IFT140: variants seen among roughly 807,000 people sequenced by gnomAD.
IFT140 encodes intraflagellar transport 140, also known as intraflagellar transport protein 140 homolog.
A neutral mutation model predicts 164.6 loss-of-function variants in IFT140; 133 were observed. The ratio of observed to expected loss-of-function variants is 0.81; its 90% confidence interval spans 0.70 to 0.93. The LOEUF (loss-of-function observed/expected upper bound fraction) is 0.93, where lower values mean the gene tolerates loss of function less well. IFT140 is among the 40% of genes least tolerant of loss of function. The pLI, the probability that IFT140 is intolerant of heterozygous loss-of-function variation, is 0.00. For synonymous variants in IFT140, 860 were observed against 817.3 expected (o/e 1.05, Z -0.89); for missense variants, 2,045 against 1,972.3 (o/e 1.04, Z -0.70).
At chr16:1,544,971 A>C (rs1431049451) in intron 19 of IFT140, among the ~76,000 whole-genome samples, 7 of 152,188 alleles carry the variant, frequency 4.6e-5, no homozygotes, top group African/African-American at 2.4e-5. Context: ...TTCTTAATAA[A>C]TCTCCTTGAA....
intron 19 of IFT140, chr16:1,534,573 C>G (rs765738977): frequency 1.9e-6 from 3 of 1,599,386 alleles, no homozygotes; most frequent in East Asian, 4.5e-5. Flanking sequence ...CAATTGTTTT[C>G]CTGATGCCTT....
At position 1,607,504 on chromosome 16, in the gene IFT140, G is replaced by A. The variant is rs551601757; in HGVS notation, c.-31-207C>T. ...TGCAGAAGAGAAGCAGTTAGACCCGGAATCACCCAGGCTGTGACAGAAACG... is the reference window on the plus strand; with the variant it reads ...TGCAGAAGAGAAGCAGTTAGACCCGAAATCACCCAGGCTGTGACAGAAACG... On this transcript the variant is annotated intron_variant, in intron 2 of 30. Coordinates refer to ENST00000426508, the MANE Select transcript of IFT140 (RefSeq NM_014714.4). Among the ~76,000 whole-genome samples the A allele has an allele frequency of 5.3e-5, 8 of 152,142 alleles. No individual in the cohort carries two copies. In the South Asian group the frequency reaches 1.4e-3, roughly 28 times the overall value.
chr16:1,525,013 C>T lies in IFT140; in HGVS notation c.2865-97G>A, dbSNP rs2040642153. ...CCTGTGCCACCCTTAGAGTGCATGT[C>T]ACCTGACCTGCAAACAGGCTGGGCC... On this transcript the variant is annotated intron_variant, in intron 22 of 30. Coordinates refer to ENST00000426508, the MANE Select transcript of IFT140 (RefSeq NM_014714.4). 16 of 1,479,708 alleles carry T rather than the reference C, an allele frequency of 1.1e-5. No individual in the cohort carries two copies. In the South Asian group the frequency reaches 2.0e-4, roughly 19 times the overall value. 91.7% of individuals were successfully genotyped at this position (1,479,708 alleles called of 1,614,324 possible).
chr16:1,574,520 A>G (rs947462050), intron 13 of IFT140, among the ~76,000 whole-genome samples: 16 of 152,098 alleles, frequency 1.1e-4, no homozygotes, highest in African/African-American at 2.9e-4. Context: ...GGCTAAAGCA[A>G]TCCTCCCACC....
intron 19 of IFT140, chr16:1,534,274 C>T (rs374458197): frequency 8.7e-6 from 14 of 1,610,914 alleles, no homozygotes; most frequent in South Asian, 4.4e-5. Flanking sequence ...CCGGCGTCAG[C>T]GATGACCGTG....
At chr16:1,520,396 C>T in intron 27 of IFT140, 53 bp from the exon 28 acceptor site, 1 of 1,575,040 alleles carries the variant, frequency 6.3e-7, no homozygotes, top group Non-Finnish European at 8.7e-7. Context: ...CCGGGACAAG[C>T]ACAAGGGACC....
chr16:1,589,077 G>A (rs985548732), intron 7 of IFT140, among the ~76,000 whole-genome samples: 3 of 152,224 alleles, frequency 2.0e-5, no homozygotes, highest in Non-Finnish European at 4.4e-5. Flanking sequence ...CGAGGTCCCT[G>A]TGACTAGTGC....
intron 26 of IFT140, among the ~76,000 whole-genome samples, chr16:1,522,965 A>G (rs1399928845): frequency 6.6e-6 from 1 of 152,152 alleles, no homozygotes; most frequent in Non-Finnish European, 1.5e-5. Flanking sequence ...TCACATCTAC[A>G]GTCCCAGTGC....
intron 4 of IFT140, among the ~76,000 whole-genome samples, chr16:1,597,574 G>A (rs1267241137): frequency 6.6e-6 from 1 of 152,228 alleles, no homozygotes; most frequent in Non-Finnish European, 1.5e-5. Flanking sequence ...GTCTGGGGAA[G>A]AGATGTCTCT....
chr16:1,585,794 G>A (rs1485586446), intron 10 of IFT140, among the ~76,000 whole-genome samples: 105 of 132,322 alleles, frequency 7.9e-4, no homozygotes, highest in Non-Finnish European at 1.0e-3. Flanking sequence ...TTTTTGAGAC[G>A]GAGTCTCACT....
At chr16:1,557,062 C>T (rs945005578) in intron 19 of IFT140, among the ~76,000 whole-genome samples, 1 of 152,174 alleles carries the variant, frequency 6.6e-6, no homozygotes. Flanking sequence ...TCAGGTGATC[C>T]ACCCACCTCA....
At chr16:1,554,198 A>G in intron 19 of IFT140, 1 of 1,151,930 alleles carries the variant, frequency 8.7e-7, no homozygotes, top group Non-Finnish European at 1.1e-6. Context: ...TGAGCTGCAG[A>G]CTCCAGGCCA....
intron 14 of IFT140, 69 bp downstream of exon 14, chr16:1,571,338 T>A (rs1280890768): frequency 3.4e-6 from 5 of 1,483,876 alleles, no homozygotes; most frequent in Non-Finnish European, 3.7e-6. Flanking sequence ...TAACTCACTT[T>A]CTACCCATCA....
At chr16:1,603,679 C>T (rs2035907168) in intron 3 of IFT140, among the ~76,000 whole-genome samples, 1 of 152,192 alleles carries the variant, frequency 6.6e-6, no homozygotes, top group African/African-American at 2.4e-5. Flanking sequence ...GACAGTGTTT[C>T]ATCATATTGG....
intron 13 of IFT140, chr16:1,577,355 G>A (rs2034329065): frequency 1.3e-5 from 2 of 152,108 alleles, no homozygotes; most frequent in African/African-American, 4.8e-5. Context: ...CTTTCCTCTA[G>A]CTTACTTTAC....
intron 19 of IFT140, among the ~76,000 whole-genome samples, chr16:1,544,522 G>T (rs538454365): frequency 6.6e-6 from 1 of 152,094 alleles, no homozygotes; most frequent in Non-Finnish European, 1.5e-5. Context: ...TAGAGACGGG[G>T]TTTCACCATG....
chr16:1,534,601 G>A (rs1209081936), intron 19 of IFT140: 13 of 1,594,876 alleles, frequency 8.2e-6, no homozygotes, highest in African/African-American at 2.7e-5. Flanking sequence ...GCCGAGGCTC[G>A]AGGGCACATG....
chr16:1,610,534 T>C (rs1406352441), intron 2 of IFT140, 130 bp downstream of exon 2: 2 of 152,648 alleles, frequency 1.3e-5, no homozygotes, highest in Admixed American at 6.5e-5. Context: ...CCGCGGGGAC[T>C]CGGCGGCGCC....
intron 19 of IFT140, among the ~76,000 whole-genome samples, chr16:1,550,818 C>T (rs1480871498): frequency 6.6e-6 from 1 of 152,214 alleles, no homozygotes; most frequent in Non-Finnish European, 1.5e-5. Flanking sequence ...TGCCAGTTCC[C>T]CAAGGAAAGT....
Sources: allele counts gnomAD v4.1 joint callset (sites outside exome capture counted in the v4.1 genomes callset), GRCh38; gene constraint gnomAD v4.1.1; transcripts MANE v1.5; gene names NCBI Gene and HGNC (gene_info 2026-07-23, HGNC 2026-07-21).